Variants in COTL1 observed in about 807,000 individuals in gnomAD.
COTL1 encodes coactosin like F-actin binding protein 1, also known as coactosin-like protein.
A neutral mutation model predicts 16.5 loss-of-function variants in COTL1; 15 were observed. The ratio of observed to expected loss-of-function variants is 0.91; its 90% CI spans 0.61 to 1.40. The LOEUF (loss-of-function observed/expected upper bound fraction) is 1.40, where lower values mean the gene tolerates loss of function less well. Among genes scored for constraint, COTL1 ranks in the 40% most tolerant of loss-of-function variants. COTL1 has a pLI of 0.00. For missense variants in COTL1, 220 were observed against 201.5 expected, an observed-to-expected ratio of 1.09 and a Z score of -0.56; for synonymous variants, 112 against 85.3, an observed-to-expected ratio of 1.31 and a Z score of -1.73.
At chr16:84,601,944 G>A (rs1045168899) in intron 2 of COTL1, among the ~76,000 whole-genome samples, 2 of 152,160 alleles carry the variant, frequency 1.3e-5, no homozygotes, top group Non-Finnish European at 2.9e-5. Flanking sequence ...CAAGCCAGAA[G>A]GGCATATGAT....
chr16:84,597,527 A>G (rs1021312411), intron 2 of COTL1, among the ~76,000 whole-genome samples: 4 of 152,168 alleles, frequency 2.6e-5, no homozygotes, highest in African/African-American at 9.6e-5. Context: ...ACTCAGCCCT[A>G]CTGATCCAGA....
In COTL1 at chr16:84,594,869, G is replaced by A. The variant is rs531777627; in HGVS notation, c.161-4607C>T. 1.4e-4 allele frequency: 22 copies of A among 153,060 alleles called. 1 individual carries two copies. Among genetic ancestry groups the A allele is most frequent in the Middle Eastern group, 3.3e-3 (1 of 304 alleles). 9.5% of individuals were successfully genotyped at this position (153,060 alleles called of 1,614,324 possible). ...AGTGTCGCCCCCTCCCACGGCTCTG[G>A]CTGGCTCCTCTGCGGAGCTCCATGG... On this transcript the variant is annotated intron_variant, in intron 2 of 3. Transcript: ENST00000262428.
At chr16:84,606,174 G>A (rs2150695110) in intron 2 of COTL1, among the ~76,000 whole-genome samples, 1 of 152,352 alleles carries the variant, frequency 6.6e-6, no homozygotes, top group Non-Finnish European at 1.5e-5. Context: ...CCACTGAGCT[G>A]AATCAGAAAA....
chr16:84,595,666 C>A (rs764352053), intron 2 of COTL1: 1 of 152,204 alleles, frequency 6.6e-6, no homozygotes, highest in Non-Finnish European at 1.5e-5. Flanking sequence ...CGCGGGAACA[C>A]TGGCATATCT....
chr16:84,580,065 C>CCTGGGGCAGGTACCAGG (rs1194197625), intron 3 of COTL1, among the ~76,000 whole-genome samples: 1 of 152,238 alleles, frequency 6.6e-6, no homozygotes, highest in Non-Finnish European at 1.5e-5. Flanking sequence ...CTGGCAGGTG[C>CCTGGGGCAGGTACCAGG]CTGGGGCAGG....
chr16:84,577,172 G>C (rs1189927014), intron 3 of COTL1: 2 of 152,110 alleles, frequency 1.3e-5, no homozygotes, highest in Non-Finnish European at 2.9e-5. Context: ...GAAAGACCGA[G>C]GTTTTAAAAA....
At chr16:84,615,086 T>C (rs1267325807) in intron 2 of COTL1, among the ~76,000 whole-genome samples, 1 of 152,076 alleles carries the variant, frequency 6.6e-6, no homozygotes, top group Non-Finnish European at 1.5e-5. Flanking sequence ...CCAGTGCCAG[T>C]GTTGAGTCCA....
chr16:84,589,266 G>A (rs1456142817), intron 3 of COTL1, among the ~76,000 whole-genome samples: 2 of 152,190 alleles, frequency 1.3e-5, no homozygotes, highest in East Asian at 3.8e-4. Context: ...GTGAGCCACC[G>A]CACCCAGCTG....
intron 2 of COTL1, chr16:84,616,593 G>A (rs1045684113): frequency 3.3e-5 from 5 of 152,210 alleles, no homozygotes; most frequent in African/African-American, 9.7e-5. Context: ...TGCTGCCGTT[G>A]TCCGAAAGCT....
At chr16:84,606,319 G>T (rs1036211617) in intron 2 of COTL1, among the ~76,000 whole-genome samples, 1 of 152,192 alleles carries the variant, frequency 6.6e-6, no homozygotes, top group Non-Finnish European at 1.5e-5. Context: ...TGTTACTTTG[G>T]AGGAGGGGAC....
chr16:84,581,260 C>A (rs1375085641), intron 3 of COTL1, among the ~76,000 whole-genome samples: 2 of 152,136 alleles, frequency 1.3e-5, no homozygotes, highest in African/African-American at 4.8e-5. Flanking sequence ...CCAAAAAGGC[C>A]CTTCTGGTTA....
At chr16:84,570,212 A>G (rs1218903671) in intron 3 of COTL1, among the ~76,000 whole-genome samples, 1 of 152,156 alleles carries the variant, frequency 6.6e-6, no homozygotes, top group African/African-American at 2.4e-5. Flanking sequence ...GGAGGCAGAA[A>G]TGGCAGTGAG....
At chr16:84,570,986 A>G (rs1299449089) in intron 3 of COTL1, among the ~76,000 whole-genome samples, 2 of 150,886 alleles carry the variant, frequency 1.3e-5, no homozygotes, top group Admixed American at 6.6e-5. Context: ...GCCTCTTCCA[A>G]TGACCAAGAA....
At position 84,566,606 on chromosome 16, in the gene COTL1, G is replaced by C. The variant is rs1236234233; in HGVS notation, c.*239C>G. ...GACTTTTCTTTAGAACAAAAAAGAG[G>C]GGGAGAAAAGAAAAAGAAGATCAAA... On this transcript the variant is annotated 3_prime_UTR_variant, in exon 4 of 4. Coordinates refer to ENST00000262428, the MANE Select transcript of COTL1 (RefSeq NM_021149.5). The C allele has an allele frequency of 2.1e-6, 1 of 477,200 alleles. No homozygotes were observed. The highest frequency in any genetic ancestry group is 2.0e-5 in the African/African-American group (1 of 51,080). 29.6% of individuals were successfully genotyped at this position (477,200 alleles called of 1,614,324 possible).
At chr16:84,596,458 T>C (rs943689697) in intron 2 of COTL1, 4 of 152,238 alleles carry the variant, frequency 2.6e-5, no homozygotes, top group Non-Finnish European at 5.9e-5. Context: ...TCTGAAGGGT[T>C]GGCTGATGGG....
intron 2 of COTL1, among the ~76,000 whole-genome samples, chr16:84,617,080 G>A (rs1261369115): frequency 2.6e-5 from 4 of 152,202 alleles, no homozygotes; most frequent in South Asian, 2.1e-4. Flanking sequence ...AATGATAGCG[G>A]GAGAAAGGAG....
intron 2 of COTL1, among the ~76,000 whole-genome samples, chr16:84,612,589 C>G (rs1446860860): frequency 6.6e-6 from 1 of 152,032 alleles, no homozygotes; most frequent in African/African-American, 2.4e-5. Flanking sequence ...TTGAGACCAG[C>G]CTGGCCAACA....
intron 3 of COTL1, among the ~76,000 whole-genome samples, chr16:84,578,115 A>G (rs537798645): frequency 6.6e-6 from 1 of 152,120 alleles, no homozygotes; most frequent in Non-Finnish European, 1.5e-5. Flanking sequence ...GCTTAACCTC[A>G]GAATCTCCCT....
At chr16:84,595,632 T>C (rs957346540) in intron 2 of COTL1, 5 of 152,200 alleles carry the variant, frequency 3.3e-5, no homozygotes, top group African/African-American at 1.2e-4. Flanking sequence ...CCCTCGTCTA[T>C]GTCGGGCTAT....
Sources: allele counts gnomAD v4.1 joint callset (sites outside exome capture counted in the v4.1 genomes callset), GRCh38; gene constraint gnomAD v4.1.1; transcripts MANE v1.5; gene names NCBI Gene and HGNC (gene_info 2026-07-23, HGNC 2026-07-21).